FNTB: variants seen among roughly 807,000 people sequenced by gnomAD.
The protein encoded by FNTB is protein farnesyltransferase subunit beta.
A neutral mutation model predicts 59.4 loss-of-function variants in FNTB; 27 were observed. That is an observed-to-expected ratio of 0.45 (90% CI 0.34 to 0.63). The LOEUF is 0.63. Among genes scored for constraint, FNTB ranks in the 20% least tolerant of loss-of-function variants. The probability of loss-of-function intolerance (pLI) is 0.02; values close to 1 mark genes in which losing one functional copy is unlikely to be tolerated. For missense variants in FNTB, 449 were observed against 559.6 expected (o/e 0.80, Z 1.99); for synonymous variants, 230 against 220.7 (o/e 1.04, Z -0.37).
chr14:65,015,596 G>A, intron 3 of FNTB, 29 bp from the exon 4 acceptor site: 6 of 1,611,808 alleles, frequency 3.7e-6, no homozygotes, highest in Non-Finnish European at 5.1e-6. Flanking sequence ...TGTGAATAAG[G>A]GATGTTTTCT....
At position 65,061,871 on chromosome 14, in the gene FNTB, G is replaced by C. The variant is rs990709720; in HGVS notation, c.*559G>C. The C allele has an allele frequency of 6.4e-6, 1 of 155,070 alleles. No individual in the cohort carries two copies. Among genetic ancestry groups the C allele is most frequent in the African/African-American group, 2.4e-5 (1 of 41,502 alleles). The allele number at this position is 155,070 out of a possible 1,614,324, so 9.6% of individuals were successfully genotyped here. ...GGGAAAAGAGCTGGAGGTGGGGAGA[G>C]AAAGATCTCCTTCAGTTGGGAGTCC... On this transcript the variant is annotated 3_prime_UTR_variant, in exon 12 of 12. Transcript: ENST00000246166.
At chr14:64,995,889 G>T in intron 1 of FNTB, among the ~76,000 whole-genome samples, 1 of 151,416 alleles carries the variant, frequency 6.6e-6, no homozygotes, top group East Asian at 1.9e-4. Flanking sequence ...TCTGCACTTT[G>T]GGAGGCTGAG....
Position 65,008,699 on chromosome 14 carries a change from C to T in FNTB, c.210-3618C>T, listed in dbSNP as rs145457160. ...GCTAAAGCCAGGAGACTGAAAGGAGCGGAGCTCAAAGAAGGCAGCATGACC... is the reference window on the plus strand; with the variant it reads ...GCTAAAGCCAGGAGACTGAAAGGAGTGGAGCTCAAAGAAGGCAGCATGACC... On this transcript the variant is annotated intron_variant, in intron 2 of 11. Coordinates refer to ENST00000246166, the MANE Select transcript of FNTB (RefSeq NM_002028.4). 3.2e-3 allele frequency among the ~76,000 whole-genome samples: 484 copies of T among 152,208 alleles called. 2 individuals carry two copies. The highest frequency in any genetic ancestry group is 0.014 in the Middle Eastern group (4 of 294).
rs2062870596 is a variant in FNTB, at chr14:65,061,838, A to C, written c.*526A>C. ...CTGCCTCTCGACTTGCACCCTGGTCATTTGTAAGGGAAAAGAGCTGGAGGT... is the reference window on the plus strand; with the variant it reads ...CTGCCTCTCGACTTGCACCCTGGTCCTTTGTAAGGGAAAAGAGCTGGAGGT... On this transcript the variant is annotated 3_prime_UTR_variant, in exon 12 of 12. Transcript: ENST00000246166. 6.4e-6 allele frequency: 1 copy of C among 155,272 alleles called. No homozygotes were observed. The highest frequency in any genetic ancestry group is 1.9e-4 in the South Asian group (1 of 5,132). 9.6% of individuals were successfully genotyped at this position (155,272 alleles called of 1,614,324 possible). A position where few individuals can be genotyped will look rare whatever the true frequency, so the allele number is the denominator to read the frequency against.
At chr14:65,053,121 T>C (rs2139673865) in intron 9 of FNTB, 117 bp from the exon 10 acceptor site, 1 of 707,634 alleles carries the variant, frequency 1.4e-6, no homozygotes, top group East Asian at 3.4e-5. Context: ...CAAGAATGAA[T>C]GGAAGAGGAA....
At chr14:64,996,778 T>C (rs1594986484) in intron 1 of FNTB, among the ~76,000 whole-genome samples, 1 of 151,272 alleles carries the variant, frequency 6.6e-6, no homozygotes, top group Non-Finnish European at 1.5e-5. Flanking sequence ...TTTTTTTTTT[T>C]TTTTTTTTTG....
chr14:65,037,542 A>G (rs2062230064), intron 7 of FNTB, among the ~76,000 whole-genome samples: 1 of 140,490 alleles, frequency 7.1e-6, no homozygotes, highest in African/African-American at 2.6e-5. Context: ...TCAAGTGATC[A>G]TCCTCAGCCT....
At chr14:65,048,608 T>C (rs901807122) in intron 9 of FNTB, among the ~76,000 whole-genome samples, 1 of 152,194 alleles carries the variant, frequency 6.6e-6, no homozygotes, top group Non-Finnish European at 1.5e-5. Context: ...ATCCCAGCAC[T>C]TTGGGAGGCC....
At chr14:65,008,437 C>T (rs1036076246) in intron 2 of FNTB, among the ~76,000 whole-genome samples, 9 of 152,224 alleles carry the variant, frequency 5.9e-5, no homozygotes, top group Admixed American at 5.2e-4. Context: ...AGCCCTGGGC[C>T]TGCCCCTGCT....
At chr14:65,017,286 C>T (rs141589845) in intron 4 of FNTB, among the ~76,000 whole-genome samples, 3 of 152,218 alleles carry the variant, frequency 2.0e-5, no homozygotes, top group East Asian at 3.9e-4. Context: ...TCCCTTCACT[C>T]CTACACAATC....
chr14:65,054,579 C>T lies in FNTB; in HGVS notation c.1072C>T (p.Arg358Cys), dbSNP rs764980988. Residue 358 changes from arginine to cysteine, a missense_variant, in exon 11 of 12, where the codon CGT (arginine) becomes TGT (cysteine). By Grantham distance (180) the Arg-to-Cys change is radical. Coordinates refer to ENST00000246166, the MANE Select transcript of FNTB (RefSeq NM_002028.4). This position sits in a 1 kb window ranked among gnomAD's most constrained non-coding sequence, Gnocchi z 4.4. Reference protein sequence around the residue: ...GGLLDKPGKSRDFYHTCYCLS... With the variant: ...GGLLDKPGKSCDFYHTCYCLS... ...CAGAGCTGCCTGTCCTTACAGGTCG[C>T]GTGATTTCTACCACACCTGCTACTG... 14 of 1,612,644 alleles carry T rather than the reference C, an allele frequency of 8.7e-6. No homozygotes were observed. The Admixed American group carries it at 1.2e-4, about 13-fold the overall frequency.
chr14:65,050,382 G>C (rs2062579155), intron 9 of FNTB, among the ~76,000 whole-genome samples: 1 of 152,158 alleles, frequency 6.6e-6, no homozygotes, highest in Non-Finnish European at 1.5e-5. Flanking sequence ...GATCATTTTA[G>C]GAGTTCGAGA....
chr14:65,003,783 ACT>A (rs2061543833), intron 1 of FNTB: 1 of 152,210 alleles, frequency 6.6e-6, no homozygotes, highest in South Asian at 2.1e-4. Context: ...AGAGGGAAAC[ACT>A]CTCACAAGTG....
At chr14:65,052,818 T>C (rs2062644630) in intron 9 of FNTB, among the ~76,000 whole-genome samples, 2 of 152,200 alleles carry the variant, frequency 1.3e-5, no homozygotes, top group Admixed American at 1.3e-4. Flanking sequence ...TCTGAGCTAA[T>C]CAGTCTGGTT....
rs934912950 is a variant in FNTB, at chr14:65,009,013, C to T, written c.210-3304C>T. Among the ~76,000 whole-genome samples, 1 of 152,128 alleles carries T rather than the reference C, an allele frequency of 6.6e-6. No homozygotes were observed. Among genetic ancestry groups the T allele is most frequent in the Non-Finnish European group, 1.5e-5 (1 of 68,038 alleles). On this transcript the variant is annotated intron_variant, in intron 2 of 11. Coordinates refer to ENST00000246166, the MANE Select transcript of FNTB (RefSeq NM_002028.4). The surrounding 1 kb of genome is among the most constrained non-coding windows in gnomAD (Gnocchi z 4.2). The stretch of plus-strand genomic sequence containing the variant: ...ACCCTGCACCCCCTCAAGTCCTGCA[C>T]GAAACCTGTCTTATTCTGCTCCATG...
rs2062056634 is a variant in FNTB at position 65,030,352 on chromosome 14, T to C, written c.606-2258T>C. On this transcript the variant is annotated intron_variant, in intron 6 of 11. Coordinates refer to ENST00000246166, the MANE Select transcript of FNTB (RefSeq NM_002028.4). The surrounding 1 kb of genome is among the most constrained non-coding windows in gnomAD (Gnocchi z 4.5). The stretch of plus-strand genomic sequence containing the variant: ...CCACTGTGCCTTTGGCTGCTAAAAA[T>C]GCTGGTAGGATCATAATGCATGCAG... 6.6e-6 allele frequency among the ~76,000 whole-genome samples: 1 copy of C among 152,226 alleles called. No homozygotes were observed. Among genetic ancestry groups the C allele is most frequent in the African/African-American group, 2.4e-5 (1 of 41,458 alleles).
At chr14:65,024,945 T>A (rs181741231) in intron 4 of FNTB, among the ~76,000 whole-genome samples, 3 of 152,300 alleles carry the variant, frequency 2.0e-5, no homozygotes, top group Non-Finnish European at 2.9e-5. Context: ...TTGTTTTTTT[T>A]AAATATGTAG....
chr14:65,000,410 A>T (rs1888550246), intron 1 of FNTB, among the ~76,000 whole-genome samples: 1 of 152,166 alleles, frequency 6.6e-6, no homozygotes, highest in Non-Finnish European at 1.5e-5. Flanking sequence ...AGTTAATGTA[A>T]GTAGAGAGTT....
chr14:64,995,315 C>T (rs1297358320), intron 1 of FNTB, among the ~76,000 whole-genome samples: 3 of 152,176 alleles, frequency 2.0e-5, no homozygotes, highest in Non-Finnish European at 4.4e-5. Context: ...AGTAGAGTTA[C>T]ACTCTAAAAT....
Sources: gnomAD v4.1 joint callset for allele counts (sites outside exome capture counted in the v4.1 genomes callset) on GRCh38, gnomAD v4.1.1 for gene constraint, Gnocchi (gnomAD v3.1) non-coding constraint, MANE v1.5 for transcripts, NCBI Gene and HGNC (gene_info 2026-07-23, HGNC 2026-07-21) for gene names.